NUP133: variants seen among roughly 807,000 people sequenced by gnomAD.
NUP133 encodes nucleoporin 133.
NUP133 carries 66 observed loss-of-function variants against 146.2 expected under a neutral mutation model. The ratio of observed to expected loss-of-function variants is 0.45; its 90% CI spans 0.37 to 0.55. The LOEUF (loss-of-function observed/expected upper bound fraction) is 0.55. NUP133 is among the 20% of genes least tolerant of loss of function. NUP133 has a pLI of 0.00. For missense variants in NUP133, 1,277 were observed against 1,374.8 expected, an observed-to-expected ratio of 0.93 and a Z score of 1.12; for synonymous variants, 521 against 498.8, an observed-to-expected ratio of 1.04 and a Z score of -0.59.
intron 13 of NUP133, 72 bp downstream of exon 13, chr1:229,477,525 T>G: frequency 3.2e-6 from 4 of 1,231,220 alleles, no homozygotes; most frequent in Non-Finnish European, 4.4e-6. Flanking sequence ...AAAATATGCT[T>G]TAAGAGATGC....
chr1:229,487,090 C>G (rs189288124), intron 10 of NUP133, among the ~76,000 whole-genome samples: 20 of 152,066 alleles, frequency 1.3e-4, no homozygotes, highest in Admixed American at 3.9e-4. Context: ...TCCTGACCAG[C>G]CCCCCTGCAT....
chr1:229,477,992 G>A (rs927319653), intron 12 of NUP133, among the ~76,000 whole-genome samples: 15 of 152,100 alleles, frequency 9.9e-5, no homozygotes, highest in African/African-American at 3.6e-4. Flanking sequence ...AAGTAACTAA[G>A]AGCATAATTA....
chr1:229,465,906 A>G (rs991944212), intron 16 of NUP133, among the ~76,000 whole-genome samples: 2 of 151,332 alleles, frequency 1.3e-5, no homozygotes, highest in African/African-American at 2.4e-5. Flanking sequence ...AAAAAAAAAA[A>G]AAAGAAAAGA....
At position 229,464,541 on chromosome 1, in the gene NUP133, C is replaced by T. The variant is rs190737638; in HGVS notation, c.2551+83G>A. On this transcript the variant is annotated intron_variant, in intron 18 of 25. Transcript: ENST00000261396. Reference sequence around the variant, plus strand: ...TTTATTACAGTTGGATTAACACTACCACACTGAATATACTGAATTAACTAT... The same window carrying T: ...TTTATTACAGTTGGATTAACACTACTACACTGAATATACTGAATTAACTAT... The T allele has an allele frequency of 1.7e-4, 256 of 1,465,234 alleles. No individual in the cohort carries two copies. In the African/African-American group the frequency reaches 3.1e-3, roughly 18 times the overall value. The allele number at this position is 1,465,234 out of a possible 1,614,324, so 90.8% of individuals were successfully genotyped here.
chr1:229,487,363 T>C (rs1661379650), intron 10 of NUP133, 103 bp downstream of exon 10: 4 of 1,165,838 alleles, frequency 3.4e-6, no homozygotes, highest in South Asian at 2.8e-5. Context: ...CTCAGAAACA[T>C]TTGAAAGCAG....
chr1:229,466,749 T>C lies in NUP133; in HGVS notation c.2084A>G (p.Gln695Arg). The C allele has an allele frequency of 8.7e-6, 14 of 1,613,930 alleles. No individual in the cohort carries two copies. The highest frequency in any genetic ancestry group is 1.2e-5 in the Non-Finnish European group (14 of 1,179,868). ...PADVFFREVS[Q>R]VDTICECLLE... ...TAAGCACTCACAGATGGTATCTACT[T>C]GGGATACCTGAGAGAATACACAGAA... Residue 695 changes from glutamine to arginine, a missense_variant, in exon 16 of 26, where the codon CAA (glutamine) becomes CGA (arginine). This residue lies in a region of NUP133 where 952 missense variants were observed against 1,047.0 expected (regional missense o/e 0.91). Coordinates refer to ENST00000261396, the MANE Select transcript of NUP133 (RefSeq NM_018230.3).
In NUP133 at chr1:229,487,582, A is replaced by G; in HGVS notation, c.1226T>C (p.Val409Ala). 1.2e-6 allele frequency: 2 copies of G among 1,612,808 alleles called. No individual in the cohort carries two copies. Among genetic ancestry groups the G allele is most frequent in the Middle Eastern group, 1.7e-4 (1 of 6,060 alleles). The change falls in exon 10 of 26, where the codon GTC becomes GCC. Residue 409 changes from valine (V) to alanine (A), a missense_variant. Transcript: ENST00000261396. ...GGCAGTCTGGTTTGAAAAGTTTGGG[A>G]CCGTCAACTGACACAAAATCAGGTC... ...SEDLILCQLT[V>A]PNFSNQTAYL...
chr1:229,480,770 T>C (rs1661190528), intron 12 of NUP133, among the ~76,000 whole-genome samples: 1 of 151,094 alleles, frequency 6.6e-6, no homozygotes, highest in Admixed American at 6.6e-5. Context: ...CACTACAACC[T>C]CCGCCACCTG....
chr1:229,459,279 T>C (rs936856248), intron 20 of NUP133, among the ~76,000 whole-genome samples: 14 of 152,264 alleles, frequency 9.2e-5, no homozygotes, highest in East Asian at 5.8e-4. Flanking sequence ...TCCCAGAACG[T>C]TGGGAGGCTG....
intron 1 of NUP133, among the ~76,000 whole-genome samples, chr1:229,506,446 AGT>A (rs926289246): frequency 7.5e-6 from 1 of 132,734 alleles, no homozygotes; most frequent in African/African-American, 2.8e-5. Flanking sequence ...TAACTAGACC[AGT>A]GTTTTTTTTT....
rs987269199 is a variant in NUP133, at chr1:229,458,166, A to T, written c.2975T>A (p.Ile992Asn). The T allele has an allele frequency of 6.2e-7, 1 of 1,607,658 alleles. No individual in the cohort carries two copies. Among genetic ancestry groups the T allele is most frequent in the Non-Finnish European group, 8.5e-7 (1 of 1,176,590 alleles). ...DFSEDMLQEK[I>N]EEMAEQERFL... Reference sequence around the variant, plus strand: ...TTTTGCTCAAATTCTTTCACCTTCAATTTTTTCTTGTAGCATATCCTCTGA... The same window carrying T: ...TTTTGCTCAAATTCTTTCACCTTCATTTTTTTCTTGTAGCATATCCTCTGA... Residue 992 changes from isoleucine (I) to asparagine (N), a missense_variant, in exon 21 of 26, where the codon ATT becomes AAT. Physicochemically the swap from Ile to Asn is moderately radical, Grantham distance 149. This residue lies in a region of NUP133 where 952 missense variants were observed against 1,047.0 expected (regional missense o/e 0.91). Coordinates refer to ENST00000261396, the MANE Select transcript of NUP133 (RefSeq NM_018230.3).
intron 4 of NUP133, 66 bp from the exon 5 acceptor site, chr1:229,499,884 T>C: frequency 6.5e-7 from 1 of 1,529,250 alleles, no homozygotes; most frequent in African/African-American, 1.4e-5. Context: ...AGCAGTCTGA[T>C]GGCAATGATA....
chr1:229,486,255 G>A, intron 11 of NUP133, 116 bp downstream of exon 11: 1 of 873,056 alleles, frequency 1.1e-6, no homozygotes, highest in Non-Finnish European at 1.6e-6. Context: ...CCAGGAGTTT[G>A]GGGCTGCAAT....
chr1:229,486,903 GA>G (rs572081486), intron 10 of NUP133, among the ~76,000 whole-genome samples: 20,998 of 115,104 alleles, frequency 0.18, 1,850 homozygotes, highest in South Asian at 0.28. Flanking sequence ...ATGGGGACTG[GA>G]AAAAAAAAAA....
chr1:229,449,873 A>ATATATT (rs1261799272), intron 23 of NUP133, among the ~76,000 whole-genome samples: 1 of 85,800 alleles, frequency 1.2e-5, no homozygotes, highest in Non-Finnish European at 2.1e-5. Context: ...ATATATATAT[A>ATATATT]TTTTTTTTTT....
intron 25 of NUP133, among the ~76,000 whole-genome samples, chr1:229,444,073 C>T (rs1415044691): frequency 6.6e-6 from 1 of 152,006 alleles, no homozygotes; most frequent in Non-Finnish European, 1.5e-5. Context: ...TGGCTCATGC[C>T]TGTAATCCCA....
intron 14 of NUP133, among the ~76,000 whole-genome samples, chr1:229,473,990 C>G (rs1302273159): frequency 6.6e-6 from 1 of 152,204 alleles, no homozygotes; most frequent in Non-Finnish European, 1.5e-5. Flanking sequence ...TTGTGACTTG[C>G]TTTGACCAAT....
chr1:229,458,098 A>C, intron 21 of NUP133, 63 bp downstream of exon 21: 1 of 1,526,890 alleles, frequency 6.5e-7, no homozygotes, highest in Non-Finnish European at 8.9e-7. Context: ...GATGACAGGA[A>C]CACATCATGA....
chr1:229,499,287 T>C (rs999867016), intron 5 of NUP133: 3 of 468,240 alleles, frequency 6.4e-6, no homozygotes, highest in African/African-American at 6.0e-5. Flanking sequence ...TCTTATAAAA[T>C]GTTTCTAAAA....
Sources: gnomAD v4.1 joint callset for allele counts (sites outside exome capture counted in the v4.1 genomes callset) on GRCh38, gnomAD v4.1.1 for gene constraint, gnomAD v4.1.1 regional missense constraint, MANE v1.5 for transcripts, NCBI Gene and HGNC (gene_info 2026-07-23, HGNC 2026-07-21) for gene names.